Variants in ARHGAP15 observed in about 807,000 individuals in gnomAD.
ARHGAP15 encodes the protein Rho GTPase activating protein 15, also known as rho GTPase-activating protein 15.
In ARHGAP15, 51 loss-of-function variants were observed where a neutral mutation model predicts 63.7. The ratio of observed to expected loss-of-function variants is 0.80; its 90% CI spans 0.64 to 1.01. The LOEUF (loss-of-function observed/expected upper bound fraction) is 1.01, where lower values mean the gene tolerates loss of function less well. ARHGAP15 is among the 50% of genes least tolerant of loss of function. The pLI is 0.00. For synonymous variants in ARHGAP15, 191 were observed against 193.8 expected, an observed-to-expected ratio of 0.99 and a Z score of 0.12; for missense variants, 560 against 564.6, an observed-to-expected ratio of 0.99 and a Z score of 0.08.
intron 12 of ARHGAP15, among the ~76,000 whole-genome samples, chr2:143,673,784 A>ATGTATATAT (rs71404481): frequency 7.9e-5 from 9 of 114,186 alleles, no homozygotes; most frequent in African/African-American, 2.6e-4. Flanking sequence ...ATATATATAT[A>ATGTATATAT]AACAACTCCT....
chr2:143,136,591 T>C (rs577457064), intron 1 of ARHGAP15, among the ~76,000 whole-genome samples: 3 of 152,186 alleles, frequency 2.0e-5, no homozygotes, highest in African/African-American at 7.2e-5. Flanking sequence ...TCCAGGTGAC[T>C]CCTGTGCTGT....
At chr2:143,178,832 A>G (rs900023795) in intron 2 of ARHGAP15, among the ~76,000 whole-genome samples, 9 of 152,284 alleles carry the variant, frequency 5.9e-5, no homozygotes, top group African/African-American at 4.8e-5. Flanking sequence ...TTTGAGTTTG[A>G]TTGTTTTAGA....
chr2:143,614,395 C>G (rs1388999071), intron 11 of ARHGAP15, among the ~76,000 whole-genome samples: 1 of 152,068 alleles, frequency 6.6e-6, no homozygotes, highest in Non-Finnish European at 1.5e-5. Flanking sequence ...CTATAACATG[C>G]CTAGCACAAA....
chr2:143,486,556 G>T (rs1692332789), intron 8 of ARHGAP15, among the ~76,000 whole-genome samples: 1 of 152,098 alleles, frequency 6.6e-6, no homozygotes, highest in African/African-American at 2.4e-5. Flanking sequence ...GACAGAGCAA[G>T]ACTCTGTCTA....
chr2:143,629,834 G>A (rs1698993577), intron 12 of ARHGAP15, among the ~76,000 whole-genome samples: 3 of 152,114 alleles, frequency 2.0e-5, no homozygotes, highest in Admixed American at 2.0e-4. Context: ...ATGAGAATGA[G>A]AATAGAACAG....
intron 10 of ARHGAP15, among the ~76,000 whole-genome samples, chr2:143,530,364 A>C (rs951797160): frequency 6.6e-6 from 1 of 152,128 alleles, no homozygotes; most frequent in Non-Finnish European, 1.5e-5. Flanking sequence ...TTTGTGTCCA[A>C]TACAGGTTTC....
At chr2:143,724,515 C>T (rs1685198021) in intron 13 of ARHGAP15, among the ~76,000 whole-genome samples, 1 of 152,162 alleles carries the variant, frequency 6.6e-6, no homozygotes, top group East Asian at 1.9e-4. Flanking sequence ...AACTTTAATC[C>T]TTCAGGGCAG....
chr2:143,291,427 C>G (rs1002858798), intron 6 of ARHGAP15, among the ~76,000 whole-genome samples: 2 of 132,516 alleles, frequency 1.5e-5, no homozygotes, highest in African/African-American at 5.9e-5. Flanking sequence ...CTCACAGACA[C>G]ACTCAGGCAC....
chr2:143,254,580 TA>T (rs1359604478), intron 6 of ARHGAP15, among the ~76,000 whole-genome samples: 5 of 149,936 alleles, frequency 3.3e-5, no homozygotes, highest in Non-Finnish European at 6.0e-5. Flanking sequence ...GATGTATCTC[TA>T]AAAAATTCCC....
At chr2:143,312,193 G>T (rs912623678) in intron 6 of ARHGAP15, among the ~76,000 whole-genome samples, 1 of 152,108 alleles carries the variant, frequency 6.6e-6, no homozygotes, top group Admixed American at 6.6e-5. Flanking sequence ...TAGGAAAAAA[G>T]ATTTATCTTT....
intron 12 of ARHGAP15, among the ~76,000 whole-genome samples, chr2:143,670,420 C>G (rs1682458484): frequency 6.6e-6 from 1 of 152,120 alleles, no homozygotes; most frequent in Non-Finnish European, 1.5e-5. Context: ...GACTTTTGCC[C>G]AGCAAAAAGG....
In ARHGAP15 at chr2:143,435,639, A is replaced by G; in HGVS notation, c.513A>G (p.Ser171=). Residue 171 remains serine, a synonymous_variant, in exon 7 of 14, where the codon TCA becomes TCG. Coordinates refer to ENST00000295095, the MANE Select transcript of ARHGAP15 (RefSeq NM_018460.4). ...CAGGAAATGAGTTCCTTCTACAGTC[A>G]GATATTGACTTCATCATATTGGATT... The part of the protein sequence containing the change: ...TVSGNEFLLQ[S]DIDFIILDWF... 1.3e-6 allele frequency: 2 copies of G among 1,598,428 alleles called. No homozygotes were observed. The highest frequency in any genetic ancestry group is 1.7e-6 in the Non-Finnish European group (2 of 1,175,922).
At chr2:143,374,919 T>C (rs940482717) in intron 6 of ARHGAP15, among the ~76,000 whole-genome samples, 2 of 152,168 alleles carry the variant, frequency 1.3e-5, no homozygotes, top group African/African-American at 4.8e-5. Flanking sequence ...TTAATACATG[T>C]GTGCCAAAAT....
At chr2:143,750,025 C>T (rs889467785) in intron 13 of ARHGAP15, among the ~76,000 whole-genome samples, 1 of 152,210 alleles carries the variant, frequency 6.6e-6, no homozygotes, top group African/African-American at 2.4e-5. Context: ...ATCAGAATCT[C>T]TGTGCAATTC....
At chr2:143,281,365 A>T (rs948027868) in intron 6 of ARHGAP15, among the ~76,000 whole-genome samples, 1 of 152,200 alleles carries the variant, frequency 6.6e-6, no homozygotes, top group Non-Finnish European at 1.5e-5. Context: ...GAAGTCTTTT[A>T]TACAGAAAGT....
intron 13 of ARHGAP15, among the ~76,000 whole-genome samples, chr2:143,727,553 C>T (rs1685337286): frequency 6.6e-6 from 1 of 152,078 alleles, no homozygotes; most frequent in Non-Finnish European, 1.5e-5. Context: ...GCAGCAGAGC[C>T]CAGGGACTCC....
At chr2:143,549,836 C>T (rs530946913) in intron 10 of ARHGAP15, among the ~76,000 whole-genome samples, 207 of 152,262 alleles carry the variant, frequency 1.4e-3, no homozygotes, top group Non-Finnish European at 2.3e-3. Context: ...AACCCCTGGC[C>T]TATTGTCTAC....
At chr2:143,705,942 G>T (rs1309457395) in intron 13 of ARHGAP15, among the ~76,000 whole-genome samples, 2 of 152,036 alleles carry the variant, frequency 1.3e-5, no homozygotes, top group East Asian at 3.9e-4. Context: ...TCCTAATCTT[G>T]TCAGAACTTT....
chr2:143,548,445 G>A (rs1321839791), intron 10 of ARHGAP15, among the ~76,000 whole-genome samples: 1 of 151,122 alleles, frequency 6.6e-6, no homozygotes, highest in Non-Finnish European at 1.5e-5. Flanking sequence ...TCAGACACTG[G>A]CTATATAAAC....
Sources: gnomAD v4.1 joint callset for allele counts (sites outside exome capture counted in the v4.1 genomes callset) on GRCh38, gnomAD v4.1.1 for gene constraint, MANE v1.5 for transcripts, NCBI Gene and HGNC (gene_info 2026-07-23, HGNC 2026-07-21) for gene names.